CDYL: variants seen among roughly 807,000 people sequenced by gnomAD.
CDYL encodes chromodomain Y-like protein.
In CDYL, 8 loss-of-function variants were observed where a neutral mutation model predicts 47.3. The observed-to-expected ratio is 0.17, with a 90% confidence interval of 0.10 to 0.31. The LOEUF (loss-of-function observed/expected upper bound fraction) is 0.31. Among genes scored for constraint, CDYL ranks in the 10% least tolerant of loss-of-function variants. The pLI, the probability that CDYL is intolerant of heterozygous loss-of-function variation, is 1.00. For synonymous variants in CDYL, 266 were observed against 265.0 expected (o/e 1.00, Z -0.04); for missense variants, 471 against 701.4 (o/e 0.67, Z 3.71).
Position 4,717,740 on chromosome 6 carries a change from A to AAAAAAAAAAAAAAAT in CDYL, c.103+1859_103+1860insAAAAAAAAAAAAAAT, listed in dbSNP as rs1491395482. Among the ~76,000 whole-genome samples, 11 of 118,762 alleles carry AAAAAAAAAAAAAAAT rather than the reference A, an allele frequency of 9.3e-5. 1 individual carries two copies. Among genetic ancestry groups the AAAAAAAAAAAAAAAT allele is most frequent in the Admixed American group, 1.8e-4 (2 of 11,132 alleles). The allele number at this position is 118,762 out of a possible 152,430, so 77.9% of individuals were successfully genotyped here. A position where few individuals can be genotyped will look rare whatever the true frequency, so the allele number is the denominator to read the frequency against. ...AAAAAAAAAAAAAAAAAAAAAAAAA[A>AAAAAAAAAAAAAAAT]TTAAAAATTGAAAGGGATTTTTGTT... is the stretch of plus-strand genomic sequence containing the variant. On this transcript the variant is annotated intron_variant, in intron 2 of 8. Transcript: ENST00000328908.
intron 3 of CDYL, among the ~76,000 whole-genome samples, chr6:4,749,362 G>C (rs62384838): frequency 8.4e-5 from 2 of 23,898 alleles, no homozygotes; most frequent in Non-Finnish European, 1.5e-3. Flanking sequence ...ATAGATGGAT[G>C]GATGGATGAA....
chr6:4,791,552 G>A (rs913114162), intron 1 of CDYL, among the ~76,000 whole-genome samples: 13 of 152,216 alleles, frequency 8.5e-5, no homozygotes, highest in Admixed American at 1.3e-4. Flanking sequence ...TGAACTGAGA[G>A]TTTGGCCTCT....
chr6:4,850,410 A>G (rs1034547135), intron 1 of CDYL, among the ~76,000 whole-genome samples: 5 of 152,226 alleles, frequency 3.3e-5, no homozygotes, highest in African/African-American at 1.2e-4. Flanking sequence ...TCGATGTTTT[A>G]GCGAAAAAGT....
chr6:4,871,873 A>G (rs1761484617), intron 1 of CDYL, among the ~76,000 whole-genome samples: 1 of 152,108 alleles, frequency 6.6e-6, no homozygotes, highest in South Asian at 2.1e-4. Context: ...AATATTCCGC[A>G]TTGGCATTGT....
At chr6:4,890,059 A>G in intron 1 of CDYL, 1 of 985,486 alleles carries the variant, frequency 1.0e-6, no homozygotes, top group South Asian at 4.7e-5. Flanking sequence ...CTAAGGAAAC[A>G]GAGGAAAGCA....
intron 1 of CDYL, among the ~76,000 whole-genome samples, chr6:4,854,750 G>A (rs950273591): frequency 6.6e-6 from 1 of 152,194 alleles, no homozygotes; most frequent in Non-Finnish European, 1.5e-5. Context: ...CCAGGAGTCA[G>A]CCCCCAGGGT....
intron 1 of CDYL, among the ~76,000 whole-genome samples, chr6:4,884,636 G>A (rs1216107466): frequency 1.3e-5 from 2 of 152,224 alleles, no homozygotes; most frequent in African/African-American, 4.8e-5. Flanking sequence ...TAGCCTCGGA[G>A]ACAAGATAGT....
intron 2 of CDYL, among the ~76,000 whole-genome samples, chr6:4,723,322 G>A (rs560307453): frequency 2.0e-5 from 3 of 152,038 alleles, no homozygotes; most frequent in South Asian, 4.2e-4. Context: ...GTATTCCTAG[G>A]GTCCTAGAAC....
intron 1 of CDYL, among the ~76,000 whole-genome samples, chr6:4,788,986 G>T (rs1026202454): frequency 1.3e-5 from 2 of 152,078 alleles, no homozygotes; most frequent in African/African-American, 4.8e-5. Flanking sequence ...GCTACATGGC[G>T]GGCCAGGTGC....
In CDYL at chr6:4,894,879, GTATGTGTGTGTA is replaced by G. The variant is rs1561692304; in HGVS notation, c.691+2504_691+2515del. Among the ~76,000 whole-genome samples, 286 of 145,826 alleles carry G rather than the reference GTATGTGTGTGTA, an allele frequency of 2.0e-3. 2 individuals carry two copies. The highest frequency in any genetic ancestry group is 7.5e-3 in the African/African-American group (274 of 36,660). On this transcript the variant is annotated intron_variant, in intron 2 of 6. Coordinates refer to ENST00000397588, the MANE Select transcript of CDYL (RefSeq NM_004824.4). Reference sequence around the variant, plus strand: ...TGTATATGTGTATATACACACATGTGTATGTGTGTGTATATATACACACGTACGTGTGTATAT... The same window carrying G: ...TGTATATGTGTATATACACACATGTGTATATACACACGTACGTGTGTATAT...
At chr6:4,728,768 T>A (rs139550271) in intron 2 of CDYL, among the ~76,000 whole-genome samples, 1 of 152,320 alleles carries the variant, frequency 6.6e-6, no homozygotes, top group East Asian at 1.9e-4. Context: ...TTCAAAGCGA[T>A]GTCATGGGCT....
At chr6:4,821,972 T>C (rs765809056) in intron 1 of CDYL, among the ~76,000 whole-genome samples, 1 of 152,120 alleles carries the variant, frequency 6.6e-6, no homozygotes, top group Non-Finnish European at 1.5e-5. Flanking sequence ...ATCAGCTTTT[T>C]ATTTATTTAT....
intron 3 of CDYL, among the ~76,000 whole-genome samples, chr6:4,753,078 C>T (rs979362829): frequency 9.9e-5 from 15 of 152,010 alleles, no homozygotes; most frequent in Admixed American, 6.6e-5. Context: ...CCACCATGCC[C>T]GGCTAATCCT....
intron 1 of CDYL, among the ~76,000 whole-genome samples, chr6:4,790,879 A>T (rs975057250): frequency 7.9e-5 from 12 of 152,250 alleles, no homozygotes; most frequent in Non-Finnish European, 1.3e-4. Context: ...AGCACAAAAG[A>T]TTGATAAAAA....
intron 2 of CDYL, among the ~76,000 whole-genome samples, chr6:4,909,569 C>CATTTT (rs375154033): frequency 2.1e-3 from 313 of 151,898 alleles, no homozygotes; most frequent in African/African-American, 7.3e-3. Flanking sequence ...AAAATTCATA[C>CATTTT]TTTTTTTTGT....
At chr6:4,913,285 G>A (rs1274456911) in intron 2 of CDYL, among the ~76,000 whole-genome samples, 1 of 152,026 alleles carries the variant, frequency 6.6e-6, no homozygotes, top group Non-Finnish European at 1.5e-5. Flanking sequence ...TTTATTTCAG[G>A]GGTGGTTTTA....
chr6:4,776,269 T>C (rs898165412), upstream of CDYL, among the ~76,000 whole-genome samples: 1 of 137,174 alleles, frequency 7.3e-6, no homozygotes, highest in Non-Finnish European at 1.6e-5. Context: ...AGCCCACTGC[T>C]CCCCTCGGCT....
At chr6:4,936,651 C>T (rs1046289694) in intron 3 of CDYL, among the ~76,000 whole-genome samples, 36 of 152,116 alleles carry the variant, frequency 2.4e-4, no homozygotes, top group African/African-American at 7.5e-4. Context: ...TTGGACTTAA[C>T]GCACTTACGC....
At chr6:4,736,034 T>C (rs1405660820) in intron 3 of CDYL, among the ~76,000 whole-genome samples, 1 of 152,098 alleles carries the variant, frequency 6.6e-6, no homozygotes, top group African/African-American at 2.4e-5. Flanking sequence ...ATAAGGGAAA[T>C]GTTGTACCCT....
Sources: allele counts gnomAD v4.1 joint callset (sites outside exome capture counted in the v4.1 genomes callset), GRCh38; gene constraint gnomAD v4.1.1; transcripts MANE v1.5; gene names NCBI Gene and HGNC (gene_info 2026-07-23, HGNC 2026-07-21).